Variants in CHD1L observed in about 807,000 individuals in gnomAD.
CHD1L encodes the protein ATP-dependent chromatin remodeler CHD1L.
CHD1L carries 118 observed loss-of-function variants against 115.9 expected under a neutral mutation model. The observed-to-expected ratio is 1.02, with a 90% CI of 0.88 to 1.19. CHD1L has a LOEUF of 1.19. CHD1L is among the 50% of genes most tolerant of loss of function. CHD1L has a pLI of 0.00. For synonymous variants in CHD1L, 411 were observed against 387.1 expected, an observed-to-expected ratio of 1.06 and a Z score of -0.72; for missense variants, 1,179 against 1,065.3, an observed-to-expected ratio of 1.11 and a Z score of -1.49.
the CHD1L span, chr1:147,212,363 C>A: frequency 6.2e-7 from 1 of 1,611,606 alleles, no homozygotes. Flanking sequence ...TAGAGTTAAG[C>A]AACGTAAATA....
intron 15 of CHD1L, among the ~76,000 whole-genome samples, chr1:147,283,147 A>G (rs1264875576): frequency 6.6e-6 from 1 of 152,238 alleles, no homozygotes; most frequent in Non-Finnish European, 1.5e-5. Flanking sequence ...ATGAAGCTAC[A>G]TATGTTGATC....
At chr1:147,281,787 C>T (rs1247146166) in intron 15 of CHD1L, among the ~76,000 whole-genome samples, 1 of 151,254 alleles carries the variant, frequency 6.6e-6, no homozygotes, top group East Asian at 1.9e-4. Flanking sequence ...ACTTCTACTT[C>T]TTTAAAAAAA....
At chr1:147,250,604 C>G (rs942106119) in intron 1 of CHD1L, among the ~76,000 whole-genome samples, 3 of 152,176 alleles carry the variant, frequency 2.0e-5, no homozygotes, top group Middle Eastern at 6.3e-3. Flanking sequence ...CAGCTCCCTA[C>G]TTGGCCTTCT....
At chr1:147,261,787 C>G (rs1426560211) in intron 6 of CHD1L, among the ~76,000 whole-genome samples, 1 of 152,056 alleles carries the variant, frequency 6.6e-6, no homozygotes, top group African/African-American at 2.4e-5. Context: ...TTAGATGAAG[C>G]TTGGGTTGCA....
chr1:147,215,785 T>G, the CHD1L span: 7 of 1,609,908 alleles, frequency 4.3e-6, no homozygotes, highest in Non-Finnish European at 5.9e-6. Context: ...AAGGTCAAAT[T>G]CTTTGGCATA....
chr1:147,195,119 A>G, the CHD1L span, among the ~76,000 whole-genome samples: 1 of 151,934 alleles, frequency 6.6e-6, no homozygotes, highest in African/African-American at 2.4e-5. Flanking sequence ...ACTTGGTTCC[A>G]TTCTCCCCGT....
At chr1:147,187,037 G>A in the CHD1L span, 5 of 1,614,174 alleles carry the variant, frequency 3.1e-6, 1 homozygote, top group South Asian at 3.3e-5. Flanking sequence ...TCTGTGGTGA[G>A]GATAGCTTTT....
chr1:147,255,935 T>TA lies in CHD1L; in HGVS notation c.462+8_462+9insA, dbSNP rs782284799. The TA allele has an allele frequency of 5.1e-6, 8 of 1,578,888 alleles. No individual in the cohort carries two copies. The highest frequency in any genetic ancestry group is 6.1e-6 in the Non-Finnish European group (7 of 1,149,674). On this transcript the variant is annotated intron_variant, in intron 4 of 22. Coordinates refer to ENST00000369258, the MANE Select transcript of CHD1L (RefSeq NM_004284.6). Reference sequence around the variant, plus strand: ...CTACTGACTACCTATGAGGTATTCATTCGTTTCTCTATAGCGAGAACTCCT... The same window carrying TA: ...CTACTGACTACCTATGAGGTATTCATATCGTTTCTCTATAGCGAGAACTCCT...
At chr1:147,183,067 G>A in the CHD1L span, among the ~76,000 whole-genome samples, 921 of 152,182 alleles carry the variant, frequency 6.1e-3, 4 homozygotes, top group Middle Eastern at 0.01. Context: ...GCGTGGTGGC[G>A]GACACCTGTA....
chr1:147,179,618 G>A, the CHD1L span: 1 of 1,559,806 alleles, frequency 6.4e-7, no homozygotes, highest in African/African-American at 1.4e-5. Context: ...AGGCACAGGA[G>A]GATCTCTAAA....
chr1:147,210,565 G>A, the CHD1L span: 4 of 152,260 alleles, frequency 2.6e-5, no homozygotes, highest in East Asian at 5.8e-4. Flanking sequence ...AGTTGAAAGA[G>A]CATATATGGT....
At chr1:147,220,791 C>G in the CHD1L span, among the ~76,000 whole-genome samples, 2 of 151,960 alleles carry the variant, frequency 1.3e-5, no homozygotes, top group Admixed American at 1.3e-4. Flanking sequence ...ATCCTTGTAA[C>G]AAACTTTCAT....
chr1:147,277,467 G>C (rs2102771403), intron 14 of CHD1L, among the ~76,000 whole-genome samples: 1 of 152,304 alleles, frequency 6.6e-6, no homozygotes, highest in South Asian at 2.1e-4. Flanking sequence ...TGTTGTTTTT[G>C]TTAGGGAGTT....
intron 3 of CHD1L, 32 bp downstream of exon 3, chr1:147,255,008 T>C: frequency 2.1e-6 from 3 of 1,460,382 alleles, no homozygotes; most frequent in Non-Finnish European, 2.8e-6. Context: ...AATTTTATTG[T>C]TTATCTTGAT....
the CHD1L span, among the ~76,000 whole-genome samples, chr1:147,233,903 C>T: frequency 3.3e-5 from 5 of 151,874 alleles, no homozygotes; most frequent in Admixed American, 6.6e-5. Context: ...GCAGCATGCT[C>T]GTTAAGAGTC....
chr1:147,176,409 C>T, the CHD1L span: 1 of 152,156 alleles, frequency 6.6e-6, no homozygotes, highest in African/African-American at 2.4e-5. Flanking sequence ...GTAAGCAGAA[C>T]AGATGATCCA....
the CHD1L span, chr1:147,223,897 G>A: frequency 2.7e-6 from 1 of 366,262 alleles, no homozygotes; most frequent in Non-Finnish European, 5.3e-6. Flanking sequence ...AGAGACTGTT[G>A]TCCTGGACTG....
At chr1:147,240,938 C>T (rs58820837), upstream of CHD1L, among the ~76,000 whole-genome samples, 2,614 of 152,230 alleles carry the variant, frequency 0.017, 76 homozygotes, top group African/African-American at 0.06. Context: ...CCTCTGTATG[C>T]TGAGCGCCGG....
chr1:147,272,527 A>G (rs1676639283), intron 12 of CHD1L: 2 of 330,686 alleles, frequency 6.0e-6, no homozygotes, highest in Non-Finnish European at 1.1e-5. Context: ...TGCTTTGACC[A>G]TTGACCTGGG....
Sources: gnomAD v4.1 joint callset for allele counts (sites outside exome capture counted in the v4.1 genomes callset) on GRCh38, gnomAD v4.1.1 for gene constraint, MANE v1.5 for transcripts, NCBI Gene and HGNC (gene_info 2026-07-23, HGNC 2026-07-21) for gene names.